NXN: variants seen among roughly 807,000 people sequenced by gnomAD.
NXN encodes nucleoredoxin.
Under a neutral mutation model 48.6 loss-of-function variants are expected in NXN, and 16 were observed. The ratio of observed to expected loss-of-function variants is 0.33; its 90% confidence interval spans 0.22 to 0.50. The LOEUF (loss-of-function observed/expected upper bound fraction) is 0.50, where lower values mean the gene tolerates loss of function less well. Ranked by LOEUF, NXN falls within the 20% of genes least tolerant of loss-of-function variation. The probability of loss-of-function intolerance (pLI) is 0.98; values close to 1 mark genes in which losing one functional copy is unlikely to be tolerated. For synonymous variants in NXN, 281 were observed against 269.6 expected (o/e 1.04, Z -0.41); for missense variants, 492 against 605.5 (o/e 0.81, Z 1.97).
intron 1 of NXN, among the ~76,000 whole-genome samples, chr17:915,203 G>A (rs533098738): frequency 6.6e-6 from 1 of 152,292 alleles, no homozygotes; most frequent in Admixed American, 6.5e-5. Flanking sequence ...AAAAGTGCTG[G>A]GATTACAGGC....
At chr17:804,196 A>G (rs1911358947) in intron 6 of NXN, among the ~76,000 whole-genome samples, 1 of 149,014 alleles carries the variant, frequency 6.7e-6, no homozygotes. Context: ...ATGACCTCCG[A>G]CCTCCGACTT....
intron 1 of NXN, among the ~76,000 whole-genome samples, chr17:955,867 AC>A (rs2069163217): frequency 6.7e-6 from 1 of 150,324 alleles, no homozygotes; most frequent in East Asian, 2.0e-4. Context: ...GTGCCACTGC[AC>A]TCCAGCCTGG....
intron 1 of NXN, among the ~76,000 whole-genome samples, chr17:934,928 C>G (rs1306698137): frequency 6.6e-6 from 1 of 152,088 alleles, no homozygotes; most frequent in African/African-American, 2.4e-5. Context: ...ACTGTCTGGA[C>G]AGAGTCCTCA....
chr17:816,171 C>T (rs1369762251), intron 5 of NXN, among the ~76,000 whole-genome samples: 5 of 152,134 alleles, frequency 3.3e-5, no homozygotes, highest in Non-Finnish European at 4.4e-5. Context: ...AAGCTGAGGC[C>T]GAAACCCCTT....
intron 1 of NXN, among the ~76,000 whole-genome samples, chr17:927,649 A>G (rs1481134986): frequency 6.6e-6 from 1 of 151,042 alleles, no homozygotes; most frequent in Non-Finnish European, 1.5e-5. Context: ...AGGCGGGCTC[A>G]GTGGGAGATG....
At chr17:934,367 A>G (rs2068885024) in intron 1 of NXN, among the ~76,000 whole-genome samples, 1 of 151,464 alleles carries the variant, frequency 6.6e-6, no homozygotes, top group Admixed American at 6.6e-5. Flanking sequence ...AATTGCGTGA[A>G]CCCGGGAGAT....
At chr17:971,462 G>A (rs1243487655) in intron 1 of NXN, among the ~76,000 whole-genome samples, 2 of 151,956 alleles carry the variant, frequency 1.3e-5, no homozygotes, top group African/African-American at 4.8e-5. Context: ...TGTCATCCCA[G>A]CACTTTGGGA....
chr17:854,851 C>T (rs750357465), intron 1 of NXN, among the ~76,000 whole-genome samples: 23 of 148,544 alleles, frequency 1.5e-4, no homozygotes, highest in Non-Finnish European at 2.8e-4. Flanking sequence ...TCCAGCTACT[C>T]GGGAGACTGA....
intron 1 of NXN, among the ~76,000 whole-genome samples, chr17:890,464 C>T (rs2068403856): frequency 6.6e-6 from 1 of 152,114 alleles, no homozygotes. Context: ...AGCTCCACCT[C>T]CCGGGTTCAC....
intron 1 of NXN, among the ~76,000 whole-genome samples, chr17:871,607 G>A (rs1450261069): frequency 6.6e-6 from 1 of 151,788 alleles, no homozygotes; most frequent in Non-Finnish European, 1.5e-5. Flanking sequence ...GTTTCACCAT[G>A]TTGGCCAGGC....
intron 1 of NXN, among the ~76,000 whole-genome samples, chr17:892,452 G>A (rs1419211607): frequency 6.6e-6 from 1 of 152,124 alleles, no homozygotes; most frequent in Non-Finnish European, 1.5e-5. Flanking sequence ...AATCCACCTG[G>A]TGCCTCTCTT....
chr17:858,793 C>G (rs1263542938), intron 1 of NXN, among the ~76,000 whole-genome samples: 1 of 152,172 alleles, frequency 6.6e-6, no homozygotes, highest in Non-Finnish European at 1.5e-5. Context: ...CACGAAGGGT[C>G]TGAGATGCTG....
intron 1 of NXN, among the ~76,000 whole-genome samples, chr17:951,620 G>C (rs2069111977): frequency 6.6e-6 from 1 of 152,056 alleles, no homozygotes; most frequent in African/African-American, 2.4e-5. Flanking sequence ...CAAACCTCCT[G>C]ATCCAGGCGC....
chr17:954,794 A>G (rs1353276100), intron 1 of NXN, among the ~76,000 whole-genome samples: 1 of 152,236 alleles, frequency 6.6e-6, no homozygotes, highest in Non-Finnish European at 1.5e-5. Flanking sequence ...ATGGCTCTCT[A>G]CCAGTTAGGG....
intron 5 of NXN, among the ~76,000 whole-genome samples, chr17:807,517 G>A (rs1009865911): frequency 6.6e-6 from 1 of 152,220 alleles, no homozygotes; most frequent in Non-Finnish European, 1.5e-5. Flanking sequence ...TCCTGACTGT[G>A]GCTGCAGCCT....
At chr17:835,125 G>A (rs777733711) in intron 1 of NXN, among the ~76,000 whole-genome samples, 106 of 151,296 alleles carry the variant, frequency 7.0e-4, no homozygotes, top group South Asian at 1.3e-3. Flanking sequence ...TGGCTAACAT[G>A]GTGAAACCCT....
At chr17:841,520 T>C (rs1914252352) in intron 1 of NXN, among the ~76,000 whole-genome samples, 9 of 114,544 alleles carry the variant, frequency 7.9e-5, no homozygotes, top group African/African-American at 2.6e-4. Context: ...GGCGAGCAGG[T>C]CCCCCCGACC....
At chr17:880,783 G>C (rs1194001836) in intron 1 of NXN, among the ~76,000 whole-genome samples, 1 of 152,122 alleles carries the variant, frequency 6.6e-6, no homozygotes, top group Non-Finnish European at 1.5e-5. Flanking sequence ...TCTAGGAGCA[G>C]AGCTTCCTTT....
At chr17:972,392 G>A (rs1473082651) in intron 1 of NXN, among the ~76,000 whole-genome samples, 9 of 151,966 alleles carry the variant, frequency 5.9e-5, no homozygotes, top group Admixed American at 2.0e-4. Context: ...CAGGAGAATC[G>A]CTTGAACCCA....
Sources: gnomAD v4.1 joint callset for allele counts (sites outside exome capture counted in the v4.1 genomes callset) on GRCh38, gnomAD v4.1.1 for gene constraint, MANE v1.5 for transcripts, NCBI Gene and HGNC (gene_info 2026-07-23, HGNC 2026-07-21) for gene names.